PTPRN2: variants seen among roughly 807,000 people sequenced by gnomAD.
PTPRN2 encodes the protein receptor-type tyrosine-protein phosphatase N2.
In PTPRN2, 74 loss-of-function variants were observed where a neutral mutation model predicts 118.8. That is an observed-to-expected ratio of 0.62 (90% CI 0.52 to 0.76). PTPRN2 has a LOEUF of 0.76. PTPRN2 is among the 30% of genes least tolerant of loss of function. The pLI is 0.00. For synonymous variants in PTPRN2, 641 were observed against 608.0 expected (o/e 1.05, Z -0.80); for missense variants, 1,481 against 1,394.4 (o/e 1.06, Z -0.99).
Position 157,615,963 on chromosome 7 carries a change from G to A in PTPRN2, c.2344+5399C>T, listed in dbSNP as rs970170593. The A allele has an allele frequency of 1.2e-5, 3 of 257,486 alleles. No individual in the cohort carries two copies. The highest frequency in any genetic ancestry group is 6.7e-5 in the African/African-American group (3 of 44,552). The allele number at this position is 257,486 out of a possible 1,614,324, so 16.0% of individuals were successfully genotyped here. A position where few individuals can be genotyped will look rare whatever the true frequency, so the allele number is the denominator to read the frequency against. On this transcript the variant is annotated intron_variant, in intron 15 of 22. Coordinates refer to ENST00000389418, the MANE Select transcript of PTPRN2 (RefSeq NM_002847.5). The surrounding 1 kb of genome is among the most constrained non-coding windows in gnomAD (Gnocchi z 4.3). ...AACGTAACTTCTGGTGGATAAAGTG[G>A]GAGGCCTGATCCAGGAAGAAGCACA...
intron 2 of PTPRN2, among the ~76,000 whole-genome samples, chr7:158,447,024 G>A (rs1235651529): frequency 2.0e-5 from 3 of 152,234 alleles, no homozygotes; most frequent in Non-Finnish European, 2.9e-5. Context: ...CAGTAAGGAC[G>A]CAGCTAGGAT....
chr7:158,408,006 T>A (rs1261621115), intron 2 of PTPRN2, among the ~76,000 whole-genome samples: 3 of 152,216 alleles, frequency 2.0e-5, no homozygotes, highest in Non-Finnish European at 4.4e-5. Flanking sequence ...GGAGCTTGTG[T>A]GCAAATTCCC....
At chr7:158,389,629 G>A (rs975186057) in intron 2 of PTPRN2, among the ~76,000 whole-genome samples, 4 of 152,224 alleles carry the variant, frequency 2.6e-5, no homozygotes, top group Non-Finnish European at 2.9e-5. Flanking sequence ...TTGCAATAAC[G>A]GCTGCCGCCG....
At chr7:158,520,304 AG>A (rs1823887728) in intron 1 of PTPRN2, among the ~76,000 whole-genome samples, 1 of 152,250 alleles carries the variant, frequency 6.6e-6, no homozygotes, top group Admixed American at 6.5e-5. Flanking sequence ...TGGAAAGGAG[AG>A]TAAAATTCCA....
chr7:157,738,206 G>T (rs371637429), intron 12 of PTPRN2, among the ~76,000 whole-genome samples: 4 of 152,340 alleles, frequency 2.6e-5, no homozygotes, highest in East Asian at 3.9e-4. Context: ...TAAGCTCCAC[G>T]TGACCCAGGG....
intron 13 of PTPRN2, 97 bp from the exon 14 acceptor site, chr7:157,656,648 T>C: frequency 8.2e-7 from 1 of 1,222,800 alleles, no homozygotes; most frequent in South Asian, 1.4e-5. Context: ...CCCCTTCTCC[T>C]GCTAAGATCC....
intron 3 of PTPRN2, among the ~76,000 whole-genome samples, chr7:158,275,064 T>C (rs1319142099): frequency 6.6e-6 from 1 of 152,134 alleles, no homozygotes; most frequent in African/African-American, 2.4e-5. Context: ...GTAAAGGGTG[T>C]TCTTACCAGG....
At chr7:158,165,800 G>A (rs1307761886) in intron 6 of PTPRN2, among the ~76,000 whole-genome samples, 1 of 152,200 alleles carries the variant, frequency 6.6e-6, no homozygotes, top group African/African-American at 2.4e-5. Flanking sequence ...ATCACAAAGA[G>A]TCGCAGGAAC....
At chr7:158,316,581 T>C (rs118032407) in intron 3 of PTPRN2, among the ~76,000 whole-genome samples, 1,723 of 152,132 alleles carry the variant, frequency 0.011, 19 homozygotes, top group Non-Finnish European at 0.015. Context: ...CACTGCAGCC[T>C]CCTGGCATCT....
At chr7:158,055,317 C>T (rs542356156) in intron 11 of PTPRN2, among the ~76,000 whole-genome samples, 40 of 152,298 alleles carry the variant, frequency 2.6e-4, no homozygotes, top group Admixed American at 1.4e-3. Flanking sequence ...CTAGCGGTAA[C>T]GCCAGTGTCT....
At chr7:157,731,493 TCCCATGCGCCCAGCACAGTTACCCTTTC>T (rs1799903696) in intron 12 of PTPRN2, among the ~76,000 whole-genome samples, 5 of 108,880 alleles carry the variant, frequency 4.6e-5, no homozygotes, top group African/African-American at 7.7e-5. Flanking sequence ...CCCTTTCCCG[TCCCATGCGCCCAGCACAGTTACCCTTTC>T]CCGTCCCATG....
intron 4 of PTPRN2, among the ~76,000 whole-genome samples, chr7:158,200,339 A>G (rs1826536738): frequency 1.3e-5 from 2 of 152,244 alleles, no homozygotes; most frequent in South Asian, 4.1e-4. Context: ...CACCATTTAA[A>G]CAACAATCCA....
chr7:158,037,972 T>C (rs910184210), intron 11 of PTPRN2, among the ~76,000 whole-genome samples: 9 of 152,188 alleles, frequency 5.9e-5, no homozygotes, highest in African/African-American at 2.2e-4. Context: ...GATGTCTGAA[T>C]CCGCTAACCT....
intron 2 of PTPRN2, among the ~76,000 whole-genome samples, chr7:158,417,090 T>C (rs1333592093): frequency 6.6e-6 from 1 of 152,044 alleles, no homozygotes; most frequent in Non-Finnish European, 1.5e-5. Flanking sequence ...AGTGTCCCAC[T>C]GTGTTAAGTT....
At chr7:158,091,506 C>A (rs1256131720) in intron 10 of PTPRN2, among the ~76,000 whole-genome samples, 1 of 152,200 alleles carries the variant, frequency 6.6e-6, no homozygotes, top group African/African-American at 2.4e-5. Flanking sequence ...GCTGGCTTGA[C>A]AGACTGACCT....
chr7:157,557,277 C>T (rs534779753), intron 21 of PTPRN2, among the ~76,000 whole-genome samples: 47 of 151,684 alleles, frequency 3.1e-4, no homozygotes, highest in Non-Finnish European at 5.7e-4. Flanking sequence ...TCACATCCTA[C>T]ATCACATGTG....
intron 12 of PTPRN2, among the ~76,000 whole-genome samples, chr7:157,711,629 T>C (rs1402738948): frequency 6.6e-6 from 1 of 152,106 alleles, no homozygotes; most frequent in Admixed American, 6.5e-5. Context: ...CTCTTTGTCT[T>C]CTGGCCTTGC....
intron 12 of PTPRN2, among the ~76,000 whole-genome samples, chr7:157,792,437 C>T (rs779289538): frequency 3.9e-5 from 6 of 152,222 alleles, no homozygotes; most frequent in Non-Finnish European, 7.3e-5. Context: ...AAGCCCATCT[C>T]CACCCCCAGG....
intron 2 of PTPRN2, among the ~76,000 whole-genome samples, chr7:158,409,141 C>T (rs780011056): frequency 6.6e-6 from 1 of 152,190 alleles, no homozygotes; most frequent in Non-Finnish European, 1.5e-5. Flanking sequence ...GCTTGGTTTA[C>T]GTTAATGAGT....
Sources: gnomAD v4.1 joint callset for allele counts (sites outside exome capture counted in the v4.1 genomes callset) on GRCh38, gnomAD v4.1.1 for gene constraint, Gnocchi (gnomAD v3.1) non-coding constraint, MANE v1.5 for transcripts, NCBI Gene and HGNC (gene_info 2026-07-23, HGNC 2026-07-21) for gene names.